Variants in GRIK2 observed in about 807,000 individuals in gnomAD.
The protein encoded by GRIK2 is glutamate ionotropic receptor kainate type subunit 2.
Under a neutral mutation model 100.3 loss-of-function variants are expected in GRIK2, and 32 were observed. The observed-to-expected ratio is 0.32, with a 90% CI of 0.24 to 0.43. The LOEUF (loss-of-function observed/expected upper bound fraction) is 0.43, where lower values mean the gene tolerates loss of function less well. GRIK2 is among the 20% of genes least tolerant of loss of function. GRIK2 has a pLI of 1.00. For synonymous variants in GRIK2, 417 were observed against 389.4 expected, an observed-to-expected ratio of 1.07 and a Z score of -0.83; for missense variants, 843 against 1,114.9, an observed-to-expected ratio of 0.76 and a Z score of 3.47.
intron 12 of GRIK2, among the ~76,000 whole-genome samples, chr6:101,902,870 G>A (rs1787961716): frequency 6.6e-6 from 1 of 151,756 alleles, no homozygotes; most frequent in Non-Finnish European, 1.5e-5. Flanking sequence ...AGGTTCCCTC[G>A]CGGGTAATAG....
At chr6:101,907,343 G>T (rs1050537742) in intron 12 of GRIK2, among the ~76,000 whole-genome samples, 3 of 150,764 alleles carry the variant, frequency 2.0e-5, no homozygotes, top group Non-Finnish European at 3.0e-5. Context: ...AGTGCATACA[G>T]CATTTCAAAT....
At chr6:101,402,864 G>T (rs1025395744) in intron 2 of GRIK2, among the ~76,000 whole-genome samples, 1 of 152,188 alleles carries the variant, frequency 6.6e-6, no homozygotes, top group African/African-American at 2.4e-5. Context: ...GCTGCGTCCC[G>T]GCCTTGCCCG....
chr6:101,917,316 A>G (rs1789182121), intron 12 of GRIK2, among the ~76,000 whole-genome samples: 1 of 151,720 alleles, frequency 6.6e-6, no homozygotes, highest in Non-Finnish European at 1.5e-5. Context: ...GAAAATGCCA[A>G]ACACACCAGT....
At chr6:101,954,181 T>C (rs1368786403) in intron 14 of GRIK2, among the ~76,000 whole-genome samples, 1 of 152,156 alleles carries the variant, frequency 6.6e-6, no homozygotes, top group Non-Finnish European at 1.5e-5. Flanking sequence ...GATCATCAGT[T>C]TCCTTTTTTA....
intron 11 of GRIK2, among the ~76,000 whole-genome samples, chr6:101,883,024 T>TA (rs1786365104): frequency 6.6e-6 from 1 of 151,940 alleles, no homozygotes; most frequent in African/African-American, 2.4e-5. Context: ...AATTATTTTT[T>TA]ATCCTTTTAT....
intron 12 of GRIK2, among the ~76,000 whole-genome samples, chr6:101,908,850 A>G (rs1788431505): frequency 6.6e-6 from 1 of 151,348 alleles, no homozygotes; most frequent in South Asian, 2.1e-4. Context: ...TGAGAACATC[A>G]TAAAATTCTT....
rs114390487 is a variant in GRIK2 at position 101,966,503 on chromosome 6, A to G, written c.2085+37871A>G. On this transcript the variant is annotated intron_variant, in intron 14 of 16. Transcript: ENST00000369134. ...ATATTACTAAATCCACTTTATTCTA[A>G]TTAATTATTTGTTCAGATCTTAACT... Among the ~76,000 whole-genome samples the G allele has an allele frequency of 2.0e-3, 308 of 152,218 alleles. 1 individual carries two copies. Among genetic ancestry groups the G allele is most frequent in the African/African-American group, 7.2e-3 (301 of 41,554 alleles).
intron 2 of GRIK2, among the ~76,000 whole-genome samples, chr6:101,421,094 G>T (rs188656102): frequency 1.3e-5 from 2 of 152,272 alleles, no homozygotes; most frequent in African/African-American, 4.8e-5. Flanking sequence ...TTGAGGCCAT[G>T]TTTGGATGGG....
rs144802896 is a variant in GRIK2, at chr6:101,887,061, C to T, written c.1525-2579C>T. Among the ~76,000 whole-genome samples the T allele has an allele frequency of 7.0e-3, 1,062 of 151,856 alleles. 14 individuals carry two copies. The highest frequency in any genetic ancestry group is 0.025 in the African/African-American group (1,019 of 41,396). ...GCCAGGATGGTCTCGATCTCCTGAC[C>T]TCATGATCAGCTCACCTCAGCCTCC... On this transcript the variant is annotated intron_variant, in intron 11 of 16. Coordinates refer to ENST00000369134, the MANE Select transcript of GRIK2 (RefSeq NM_021956.5).
intron 7 of GRIK2, among the ~76,000 whole-genome samples, chr6:101,688,582 G>A (rs1213317620): frequency 6.6e-6 from 1 of 151,992 alleles, no homozygotes; most frequent in Non-Finnish European, 1.5e-5. Context: ...TTTCTAGCAC[G>A]AGTCTATTCC....
At chr6:101,711,839 A>T (rs187129365) in intron 7 of GRIK2, among the ~76,000 whole-genome samples, 60 of 151,974 alleles carry the variant, frequency 3.9e-4, no homozygotes, top group African/African-American at 1.2e-3. Context: ...CCAAAATGTT[A>T]CATAATGAAA....
intron 8 of GRIK2, among the ~76,000 whole-genome samples, chr6:101,800,340 A>G (rs1442740984): frequency 6.6e-6 from 1 of 151,856 alleles, no homozygotes; most frequent in East Asian, 1.9e-4. Flanking sequence ...GATCAAGAAT[A>G]TTCATAGTGA....
At chr6:101,977,919 A>G (rs1189084119) in intron 14 of GRIK2, among the ~76,000 whole-genome samples, 1 of 152,006 alleles carries the variant, frequency 6.6e-6, no homozygotes, top group Non-Finnish European at 1.5e-5. Flanking sequence ...CTATATGACA[A>G]ACATACTTGA....
intron 9 of GRIK2, among the ~76,000 whole-genome samples, chr6:101,804,772 A>T (rs569471206): frequency 6.6e-6 from 1 of 151,986 alleles, no homozygotes; most frequent in African/African-American, 2.4e-5. Context: ...TTCACATCAC[A>T]TGTTTTCAAT....
At chr6:101,832,566 C>T (rs544885519) in intron 10 of GRIK2, among the ~76,000 whole-genome samples, 6 of 152,086 alleles carry the variant, frequency 3.9e-5, no homozygotes, top group Non-Finnish European at 8.8e-5. Flanking sequence ...GCCTGGCACT[C>T]CTATGCCAGC....
At chr6:101,834,075 T>G (rs1782887415) in intron 10 of GRIK2, among the ~76,000 whole-genome samples, 1 of 152,106 alleles carries the variant, frequency 6.6e-6, no homozygotes, top group Admixed American at 6.5e-5. Flanking sequence ...CATTTTATTG[T>G]TTCTTTTTGA....
At chr6:101,836,173 C>T (rs1408403613) in intron 10 of GRIK2, among the ~76,000 whole-genome samples, 1 of 151,838 alleles carries the variant, frequency 6.6e-6, no homozygotes, top group Non-Finnish European at 1.5e-5. Context: ...TTTTTCCTTC[C>T]TATGAACAAT....
intron 9 of GRIK2, among the ~76,000 whole-genome samples, chr6:101,805,564 G>T (rs1253544064): frequency 6.6e-6 from 1 of 151,764 alleles, no homozygotes; most frequent in Non-Finnish European, 1.5e-5. Context: ...TTCTGTCTTG[G>T]TCATCTTAGA....
At chr6:102,005,900 C>T (rs1795195045) in intron 14 of GRIK2, among the ~76,000 whole-genome samples, 1 of 151,906 alleles carries the variant, frequency 6.6e-6, no homozygotes, top group South Asian at 2.1e-4. Flanking sequence ...TCTCTTTGGC[C>T]ACCTTCTCTG....
Sources: allele counts gnomAD v4.1 joint callset (sites outside exome capture counted in the v4.1 genomes callset), GRCh38; gene constraint gnomAD v4.1.1; transcripts MANE v1.5; gene names NCBI Gene and HGNC (gene_info 2026-07-23, HGNC 2026-07-21).